The following DGKB variants were observed in gnomAD, a reference collection of about 807,000 sequenced individuals.
DGKB encodes 90 kDa diacylglycerol kinase.
DGKB carries 67 observed loss-of-function variants against 114.3 expected under a neutral mutation model. The ratio of observed to expected loss-of-function variants is 0.59; its 90% CI spans 0.48 to 0.72. DGKB has a LOEUF of 0.72. DGKB is among the 30% of genes least tolerant of loss of function. The pLI is 0.00. For synonymous variants in DGKB, 398 were observed against 323.1 expected, an observed-to-expected ratio of 1.23 and a Z score of -2.49; for missense variants, 907 against 975.2, an observed-to-expected ratio of 0.93 and a Z score of 0.93.
At chr7:14,937,420 A>G (rs1431019215) in intron 1 of DGKB, among the ~76,000 whole-genome samples, 1 of 152,116 alleles carries the variant, frequency 6.6e-6, no homozygotes, top group African/African-American at 2.4e-5. Flanking sequence ...CCACTGAACA[A>G]TCACATTCAC....
intron 1 of DGKB, among the ~76,000 whole-genome samples, chr7:14,896,117 T>C (rs1448451456): frequency 6.6e-6 from 1 of 151,706 alleles, no homozygotes; most frequent in East Asian, 1.9e-4. Context: ...ACATCAGAGA[T>C]CATATTTCCC....
chr7:14,430,844 A>G (rs1177758044), intron 21 of DGKB, among the ~76,000 whole-genome samples: 1 of 152,162 alleles, frequency 6.6e-6, no homozygotes, highest in Non-Finnish European at 1.5e-5. Flanking sequence ...TTTGATTTTC[A>G]TATCGTACCA....
chr7:14,257,776 G>A (rs189554290), intron 23 of DGKB, among the ~76,000 whole-genome samples: 4 of 152,116 alleles, frequency 2.6e-5, no homozygotes, highest in Admixed American at 2.6e-4. Context: ...GCCCAGGCTG[G>A]AGTGCAATGG....
chr7:14,413,044 A>C (rs1471880468), intron 21 of DGKB, among the ~76,000 whole-genome samples: 1 of 151,732 alleles, frequency 6.6e-6, no homozygotes, highest in Admixed American at 6.6e-5. Flanking sequence ...TTCAAGTGAG[A>C]GATGACAGCA....
At chr7:14,415,849 G>T (rs1214701262) in intron 21 of DGKB, among the ~76,000 whole-genome samples, 1 of 152,132 alleles carries the variant, frequency 6.6e-6, no homozygotes, top group Non-Finnish European at 1.5e-5. Context: ...TCGCCACACT[G>T]ACTTCCACAA....
chr7:14,227,901 C>A (rs1791077007), intron 23 of DGKB, among the ~76,000 whole-genome samples: 1 of 151,924 alleles, frequency 6.6e-6, no homozygotes, highest in South Asian at 2.1e-4. Context: ...ATGTATGCCA[C>A]AAGAAAATAT....
chr7:14,519,550 A>C lies in DGKB; in HGVS notation c.1771-41325T>G, dbSNP rs182677335. On this transcript the variant is annotated intron_variant, in intron 20 of 25. Coordinates refer to ENST00000402815, the MANE Select transcript of DGKB (RefSeq NM_001350709.2). ...AAAGAATAATGTCGATATGAATATTACATACAACTATTTCAATGAGCATAA... is the reference window on the plus strand; with the variant it reads ...AAAGAATAATGTCGATATGAATATTCCATACAACTATTTCAATGAGCATAA... Among the ~76,000 whole-genome samples the C allele has an allele frequency of 2.0e-3, 297 of 152,210 alleles. 2 individuals are homozygous for C. The highest frequency in any genetic ancestry group is 7.0e-3 in the African/African-American group (289 of 41,574).
chr7:14,703,277 C>T (rs1331056903), intron 6 of DGKB, among the ~76,000 whole-genome samples: 1 of 152,186 alleles, frequency 6.6e-6, no homozygotes, highest in Non-Finnish European at 1.5e-5. Context: ...TTAACCCTTA[C>T]TGGAGTAAAT....
chr7:14,831,031 A>G (rs1846345950), intron 2 of DGKB, among the ~76,000 whole-genome samples: 1 of 151,996 alleles, frequency 6.6e-6, no homozygotes, highest in Admixed American at 6.6e-5. Context: ...GTTCTATTAA[A>G]CACAGCAATT....
intron 1 of DGKB, among the ~76,000 whole-genome samples, chr7:14,853,025 A>G (rs1849615578): frequency 6.6e-6 from 1 of 152,204 alleles, no homozygotes; most frequent in Non-Finnish European, 1.5e-5. Context: ...CTGGAAACTG[A>G]TGATTGCGGG....
Position 14,737,476 on chromosome 7 carries a change from T to C in DGKB, c.169-1282A>G, listed in dbSNP as rs1367944363. 1.9e-4 allele frequency among the ~76,000 whole-genome samples: 29 copies of C among 152,050 alleles called. 1 individual carries two copies. Among genetic ancestry groups the C allele is most frequent in the Admixed American group, 1.9e-3 (29 of 15,258 alleles). The stretch of plus-strand genomic sequence containing the variant: ...AAGACATGGAGATTGACCGAATTTA[T>C]TATTGTATTATTTGGGACAAACCTA... On this transcript the variant is annotated intron_variant, in intron 4 of 25. Coordinates refer to ENST00000402815, the MANE Select transcript of DGKB (RefSeq NM_001350709.2).
intron 17 of DGKB, among the ~76,000 whole-genome samples, chr7:14,592,053 G>A (rs1241392943): frequency 1.3e-5 from 2 of 151,636 alleles, no homozygotes; most frequent in Non-Finnish European, 2.9e-5. Flanking sequence ...CAATGTGGCT[G>A]TATGGGTTAG....
At position 14,688,954 on chromosome 7, in the gene DGKB, G is replaced by T. The variant is rs542940028; in HGVS notation, c.712-3592C>A. Among the ~76,000 whole-genome samples, 36 of 151,786 alleles carry T rather than the reference G, an allele frequency of 2.4e-4. No individual in the cohort carries two copies. The South Asian group carries it at 6.0e-3, about 25-fold the overall frequency. ...ACATAAAATGTTCAAGTGAACTAGG[G>T]CTACTATAAATAATTTTTTTTCAGA... On this transcript the variant is annotated intron_variant, in intron 9 of 25. Transcript: ENST00000402815.
intron 21 of DGKB, among the ~76,000 whole-genome samples, chr7:14,447,205 G>C (rs755864931): frequency 6.6e-6 from 1 of 151,464 alleles, no homozygotes; most frequent in Non-Finnish European, 1.5e-5. Context: ...AGACTTCCTT[G>C]TTTTTGCCAC....
In DGKB at chr7:14,147,695, C is replaced by A. The variant is rs1406246767; in HGVS notation, c.*1436G>T. On this transcript the variant is annotated 3_prime_UTR_variant, in exon 26 of 26. Coordinates refer to ENST00000402815, the MANE Select transcript of DGKB (RefSeq NM_001350709.2). Reference sequence around the variant, plus strand: ...GTTCAGGCACTCGTTTTCCTTATGGCATGTTTGAAAACATAAAACATGCAA... The same window carrying A: ...GTTCAGGCACTCGTTTTCCTTATGGAATGTTTGAAAACATAAAACATGCAA... 1 of 152,532 alleles carries A rather than the reference C, an allele frequency of 6.6e-6. No individual in the cohort carries two copies. Among genetic ancestry groups the A allele is most frequent in the African/African-American group, 2.4e-5 (1 of 41,418 alleles). 9.4% of individuals were successfully genotyped at this position (152,532 alleles called of 1,614,324 possible).
chr7:14,759,140 G>A (rs997401414), intron 2 of DGKB, among the ~76,000 whole-genome samples: 12 of 152,112 alleles, frequency 7.9e-5, no homozygotes, highest in Non-Finnish European at 1.5e-4. Context: ...GGCCAGGCTG[G>A]TGTCGAACCC....
intron 1 of DGKB, among the ~76,000 whole-genome samples, chr7:14,849,628 G>C (rs1849083934): frequency 6.6e-6 from 1 of 152,170 alleles, no homozygotes; most frequent in Admixed American, 6.5e-5. Flanking sequence ...AACGGACTGA[G>C]ACAGGAGTCA....
chr7:14,440,051 G>T (rs1025728958), intron 21 of DGKB, among the ~76,000 whole-genome samples: 4 of 151,970 alleles, frequency 2.6e-5, no homozygotes, highest in African/African-American at 9.7e-5. Flanking sequence ...AGGGTCCAGG[G>T]AAGAAGAAGA....
intron 23 of DGKB, chr7:14,209,014 G>A (rs1057185540): frequency 6.5e-6 from 1 of 154,430 alleles, no homozygotes; most frequent in African/African-American, 2.4e-5. Context: ...CTAAATTACT[G>A]GAGTAATATC....
Sources: allele counts gnomAD v4.1 joint callset (sites outside exome capture counted in the v4.1 genomes callset), GRCh38; gene constraint gnomAD v4.1.1; transcripts MANE v1.5; gene names NCBI Gene and HGNC (gene_info 2026-07-23, HGNC 2026-07-21).